RPTOR: variants seen among roughly 807,000 people sequenced by gnomAD.
The protein encoded by RPTOR is regulatory-associated protein of mTOR.
Under a neutral mutation model 169.9 loss-of-function variants are expected in RPTOR, and 21 were observed. The observed-to-expected ratio is 0.12, with a 90% CI of 0.09 to 0.18. RPTOR has a LOEUF of 0.18. Among genes scored for constraint, RPTOR ranks in the 10% least tolerant of loss-of-function variants. The pLI, the probability that RPTOR is intolerant of heterozygous loss-of-function variation, is 1.00. For synonymous variants in RPTOR, 732 were observed against 753.2 expected (o/e 0.97, Z 0.46); for missense variants, 1,133 against 1,855.9 (o/e 0.61, Z 7.16).
rs767098434 is a variant in RPTOR at position 80,883,499 on chromosome 17, C to T, written c.1650+15C>T. 2 of 1,612,958 alleles carry T rather than the reference C, an allele frequency of 1.2e-6. No homozygotes were observed. Among genetic ancestry groups the T allele is most frequent in the Non-Finnish European group, 1.7e-6 (2 of 1,179,070 alleles). On this transcript the variant is annotated intron_variant, in intron 15 of 33. Coordinates refer to ENST00000306801, the MANE Select transcript of RPTOR (RefSeq NM_020761.3). ...ACACGGGGCAGGTGAGCCCCCCAGC[C>T]ACCCCCAGCCCCAGAGCTCACCCTT...
At chr17:80,853,441 G>A (rs2067816780) in intron 11 of RPTOR, among the ~76,000 whole-genome samples, 1 of 152,174 alleles carries the variant, frequency 6.6e-6, no homozygotes, top group Non-Finnish European at 1.5e-5. Context: ...TGTGTGTTTA[G>A]GCATGGTGAT....
At chr17:80,793,049 G>A (rs946300989) in intron 7 of RPTOR, among the ~76,000 whole-genome samples, 2 of 152,162 alleles carry the variant, frequency 1.3e-5, no homozygotes, top group Admixed American at 6.5e-5. Flanking sequence ...GGCCTCAAGC[G>A]ATCCTCCCAC....
rs1344042981 is a variant in RPTOR, at chr17:80,845,942, C to T, written c.1213-531C>T. Among the ~76,000 whole-genome samples, 1 of 152,214 alleles carries T rather than the reference C, an allele frequency of 6.6e-6. No homozygotes were observed. The highest frequency in any genetic ancestry group is 1.5e-5 in the Non-Finnish European group (1 of 68,038). On this transcript the variant is annotated intron_variant, in intron 10 of 33. Coordinates refer to ENST00000306801, the MANE Select transcript of RPTOR (RefSeq NM_020761.3). This position sits in a 1 kb window ranked among gnomAD's most constrained non-coding sequence, Gnocchi z 5.4. ...ACCTTTGAGCTCTGCTTTCCCTCCA[C>T]TGCCGGGCCCTCACCGGCCCCAGCG...
At chr17:80,701,225 CTG>C (rs370648802) in intron 3 of RPTOR, among the ~76,000 whole-genome samples, 5 of 152,298 alleles carry the variant, frequency 3.3e-5, no homozygotes, top group South Asian at 2.1e-4. Context: ...TGTGAAGTCT[CTG>C]TGTCCTCAGC....
At chr17:80,753,886 T>G (rs370420927) in intron 5 of RPTOR, 124 bp from the exon 6 acceptor site, 2 of 903,332 alleles carry the variant, frequency 2.2e-6, no homozygotes, top group African/African-American at 3.3e-5. Context: ...CAGAGGACTT[T>G]CCAGTGAAAA....
chr17:80,817,591 G>T (rs1295361708), intron 7 of RPTOR, among the ~76,000 whole-genome samples: 1 of 152,144 alleles, frequency 6.6e-6, no homozygotes, highest in African/African-American at 2.4e-5. Context: ...GAAGTGGGGA[G>T]CAGGCAGAGT....
intron 1 of RPTOR, among the ~76,000 whole-genome samples, chr17:80,573,517 A>T (rs942735660): frequency 6.6e-6 from 1 of 152,110 alleles, no homozygotes; most frequent in East Asian, 1.9e-4. Context: ...TATTATTTTG[A>T]TGCTGTCCTA....
chr17:80,782,285 C>G (rs952006343), intron 6 of RPTOR, among the ~76,000 whole-genome samples: 1 of 152,104 alleles, frequency 6.6e-6, no homozygotes, highest in Non-Finnish European at 1.5e-5. Flanking sequence ...AAGGGCATGG[C>G]TTCTTTATAT....
chr17:80,862,967 T>G (rs866978798), intron 13 of RPTOR, among the ~76,000 whole-genome samples: 2 of 152,180 alleles, frequency 1.3e-5, no homozygotes, highest in African/African-American at 4.8e-5. Context: ...CGGAGCCCAC[T>G]CAGGCTGGGC....
intron 4 of RPTOR, among the ~76,000 whole-genome samples, chr17:80,714,096 G>A (rs1172945985): frequency 3.9e-5 from 6 of 151,926 alleles, no homozygotes; most frequent in Admixed American, 6.6e-5. Context: ...CCACCACCAC[G>A]CCTGGCTAAC....
chr17:80,875,698 G>A (rs1437934906), intron 13 of RPTOR, among the ~76,000 whole-genome samples: 5 of 151,092 alleles, frequency 3.3e-5, no homozygotes, highest in African/African-American at 1.2e-4. Flanking sequence ...CAGGATGTGT[G>A]TGTCGCCTGC....
chr17:80,824,912 C>G (rs2067421794), intron 9 of RPTOR, among the ~76,000 whole-genome samples: 2 of 152,182 alleles, frequency 1.3e-5, no homozygotes, highest in Admixed American at 1.3e-4. Context: ...CAGGCGAGGA[C>G]AGGTGCAGGG....
chr17:80,962,035 G>A (rs1007283668), intron 31 of RPTOR, among the ~76,000 whole-genome samples: 34 of 152,276 alleles, frequency 2.2e-4, no homozygotes, highest in Middle Eastern at 3.4e-3. Flanking sequence ...CAGGAGCCAC[G>A]GGGCCTCAAA....
intron 1 of RPTOR, among the ~76,000 whole-genome samples, chr17:80,598,662 A>G (rs188094306): frequency 2.0e-5 from 3 of 152,256 alleles, no homozygotes; most frequent in Admixed American, 2.0e-4. Context: ...GTGAGCTTGC[A>G]GCTCTGTGAT....
chr17:80,954,958 G>A (rs1031451140), intron 28 of RPTOR, among the ~76,000 whole-genome samples: 1 of 151,992 alleles, frequency 6.6e-6, no homozygotes, highest in African/African-American at 2.4e-5. Flanking sequence ...ATAGACAACG[G>A]GAATAAAAAC....
chr17:80,791,097 A>G (rs1449918660), intron 6 of RPTOR, among the ~76,000 whole-genome samples: 1 of 151,684 alleles, frequency 6.6e-6, no homozygotes, highest in Non-Finnish European at 1.5e-5. Context: ...CACTTCCTTA[A>G]GAAGGAAAGA....
At chr17:80,894,621 C>T (rs1598385033) in intron 20 of RPTOR, among the ~76,000 whole-genome samples, 1 of 152,228 alleles carries the variant, frequency 6.6e-6, no homozygotes, top group East Asian at 1.9e-4. Flanking sequence ...CTGCTGGTAA[C>T]AGATTTAGGG....
chr17:80,731,845 G>A (rs2066395955), intron 5 of RPTOR, among the ~76,000 whole-genome samples: 1 of 152,148 alleles, frequency 6.6e-6, no homozygotes, highest in African/African-American at 2.4e-5. Flanking sequence ...TTGAAATTCT[G>A]TTTGGTAGAT....
At chr17:80,863,786 G>A (rs1452651547) in intron 13 of RPTOR, among the ~76,000 whole-genome samples, 1 of 152,200 alleles carries the variant, frequency 6.6e-6, no homozygotes, top group African/African-American at 2.4e-5. Flanking sequence ...CATGCATGTT[G>A]GCGCGTGCCT....
Sources: allele counts gnomAD v4.1 joint callset (sites outside exome capture counted in the v4.1 genomes callset), GRCh38; gene constraint gnomAD v4.1.1; non-coding constraint Gnocchi (gnomAD v3.1); transcripts MANE v1.5; gene names NCBI Gene and HGNC (gene_info 2026-07-23, HGNC 2026-07-21).